Variants in CAD observed in about 807,000 individuals in gnomAD.
CAD encodes the protein carbamoyl-phosphate synthetase 2, aspartate transcarbamylase, and dihydroorotase, also known as multifunctional protein CAD.
In CAD, 81 loss-of-function variants were observed where a neutral mutation model predicts 237.2. That is an observed-to-expected ratio of 0.34 (90% CI 0.29 to 0.41). The LOEUF is 0.41. CAD is among the 10% of genes least tolerant of loss of function. The pLI is 1.00. For synonymous variants in CAD, 1,196 were observed against 1,162.8 expected (o/e 1.03, Z -0.58); for missense variants, 2,181 against 2,951.7 (o/e 0.74, Z 6.05).
intron 11 of CAD, 55 bp downstream of exon 11, chr2:27,225,298 A>ATT (rs1675381150): frequency 8.1e-5 from 46 of 566,148 alleles, no homozygotes; most frequent in Middle Eastern, 5.1e-4. Flanking sequence ...TGGTAGTGTT[A>ATT]TTTTCTTTTT....
chr2:27,238,324 G>T, intron 30 of CAD, 107 bp from the exon 31 acceptor site: 1 of 1,459,024 alleles, frequency 6.9e-7, no homozygotes. Flanking sequence ...CAGCACCCTT[G>T]CAGGTCTACA....
rs147694325 is a variant in CAD at position 27,222,302 on chromosome 2, A to G, written c.461A>G (p.Asn154Ser). 3.1e-4 allele frequency: 494 copies of G among 1,613,376 alleles called. No individual in the cohort carries two copies. The highest frequency in any genetic ancestry group is 9.9e-4 in the Middle Eastern group (6 of 6,058). The change falls in exon 4 of 44, where the codon AAT becomes AGT. Residue 154 changes from asparagine (N) to serine (S), a missense_variant. Around this residue, in one of 12 missense-constraint regions of CAD, gnomAD observed 314 missense variants for 339.4 expected, o/e 0.93. Transcript: ENST00000264705. Reference sequence around the variant, plus strand: ...TCATCCCTGCCATTCTTGGACCCCAATGCCCGCCCCCTGGTACCAGAGGTC... The same window carrying G: ...TCATCCCTGCCATTCTTGGACCCCAGTGCCCGCCCCCTGGTACCAGAGGTC... ...EPSSLPFLDP[N>S]ARPLVPEVSI...
rs779670233 is a variant in CAD at position 27,237,419 on chromosome 2, G to A, written c.4437G>A (p.Gly1479=). Residue 1479 remains glycine (G), a synonymous_variant, in exon 28 of 44, where the codon GGG becomes GGA. Transcript: ENST00000264705. The surrounding 1 kb of genome is among the most constrained non-coding windows in gnomAD (Gnocchi z 4.0). ...DVHVHLREPG[G]THKEDFASGT... Reference sequence around the variant, plus strand: ...ATGTGCACCTGCGGGAACCAGGTGGGACACATAAGGAGGACTTTGCTTCAG... The same window carrying A: ...ATGTGCACCTGCGGGAACCAGGTGGAACACATAAGGAGGACTTTGCTTCAG... The A allele has an allele frequency of 3.1e-6, 5 of 1,614,058 alleles. No individual in the cohort carries two copies. Among genetic ancestry groups the A allele is most frequent in the South Asian group, 1.1e-5 (1 of 91,092 alleles).
At position 27,240,871 on chromosome 2, in the gene CAD, C is replaced by G; in HGVS notation, c.5594-40C>G. ...GAATATGGGGTTTCTTTCCAAACCT[C>G]AGCCATAAATGTATATCTGTCCTCT... On this transcript the variant is annotated intron_variant, in intron 35 of 43. Coordinates refer to ENST00000264705, the MANE Select transcript of CAD (RefSeq NM_004341.5). The surrounding 1 kb of genome is among the most constrained non-coding windows in gnomAD (Gnocchi z 4.6). 1.2e-6 allele frequency: 2 copies of G among 1,608,790 alleles called. No homozygotes were observed. Among genetic ancestry groups the G allele is most frequent in the South Asian group, 2.2e-5 (2 of 90,930 alleles).
chr2:27,220,506 C>A (rs376867669), intron 2 of CAD, among the ~76,000 whole-genome samples: 1 of 151,116 alleles, frequency 6.6e-6, no homozygotes, highest in African/African-American at 2.5e-5. Context: ...AAAAATTAGC[C>A]AGGTGTGATG....
chr2:27,226,403 T>G, intron 13 of CAD, 84 bp downstream of exon 13: 4 of 1,543,376 alleles, frequency 2.6e-6, no homozygotes, highest in Non-Finnish European at 2.7e-6. Flanking sequence ...TGAGGTCTTT[T>G]GGGCTTACAG....
chr2:27,237,324 C>T lies in CAD; in HGVS notation c.4397-55C>T. 1.3e-6 allele frequency: 2 copies of T among 1,581,554 alleles called. No individual in the cohort carries two copies. Among genetic ancestry groups the T allele is most frequent in the Non-Finnish European group, 1.7e-6 (2 of 1,154,098 alleles). Reference sequence around the variant, plus strand: ...CAGGCGTGAGCCACCATGTCCAGCTCACCCTTCCTATTTCTGAATCTTCCT... The same window carrying T: ...CAGGCGTGAGCCACCATGTCCAGCTTACCCTTCCTATTTCTGAATCTTCCT... On this transcript the variant is annotated intron_variant, in intron 27 of 43. Transcript: ENST00000264705. This position sits in a 1 kb window ranked among gnomAD's most constrained non-coding sequence, Gnocchi z 4.0.
chr2:27,223,430 C>CA (rs71834349), intron 6 of CAD, 133 bp from the exon 7 acceptor site: 76,834 of 608,332 alleles, frequency 0.13, no homozygotes, highest in East Asian at 0.22. Context: ...GACTCCGTCT[C>CA]AAAAAAAAAA....
Position 27,236,425 on chromosome 2 carries a change from T to C in CAD, c.4216T>C (p.Ser1406Pro). The change falls in exon 26 of 44, where the codon TCT becomes CCT. Residue 1406 changes from serine (S) to proline (P), a missense_variant. Physicochemically the swap from Ser to Pro is moderately conservative, Grantham distance 74. Transcript: ENST00000264705. The surrounding 1 kb of genome is among the most constrained non-coding windows in gnomAD (Gnocchi z 4.1). ...SMRGAGGRRL[S>P]SFVTKGYRTR... ...GCGTGGAGCTGGGGGCCGGCGTCTCTCTTCCTTTGTCACCAAGGGCTACCG... is the reference window on the plus strand; with the variant it reads ...GCGTGGAGCTGGGGGCCGGCGTCTCCCTTCCTTTGTCACCAAGGGCTACCG... 6.2e-7 allele frequency: 1 copy of C among 1,614,184 alleles called. No individual in the cohort carries two copies. The highest frequency in any genetic ancestry group is 8.5e-7 in the Non-Finnish European group (1 of 1,180,040).
Position 27,240,682 on chromosome 2 carries a change from C to G in CAD, c.5594-229C>G, listed in dbSNP as rs1405568202. 6.7e-7 allele frequency: 1 copy of G among 1,488,832 alleles called. No homozygotes were observed. Among genetic ancestry groups the G allele is most frequent in the East Asian group, 2.5e-5 (1 of 40,390 alleles). 92.2% of individuals were successfully genotyped at this position (1,488,832 alleles called of 1,614,324 possible). A position where few individuals can be genotyped will look rare whatever the true frequency, so the allele number is the denominator to read the frequency against. ...CTCTTGCCTAGGATGCCTTTGCCAA[C>G]TGGGAGAGCCCCGGGAGGGCACCAC... On this transcript the variant is annotated intron_variant, in intron 35 of 43. Coordinates refer to ENST00000264705, the MANE Select transcript of CAD (RefSeq NM_004341.5). The surrounding 1 kb of genome is among the most constrained non-coding windows in gnomAD (Gnocchi z 4.6).
Position 27,239,821 on chromosome 2 carries a change from G to A in CAD, c.5496+23G>A, listed in dbSNP as rs1168550725. On this transcript the variant is annotated intron_variant, in intron 34 of 43. Transcript: ENST00000264705. The surrounding 1 kb of genome is among the most constrained non-coding windows in gnomAD (Gnocchi z 4.0). ...ACGGTATCCACACTACTGGGCTAGG[G>A]GGCTGGGAGGTGTTAGTCTCAGGGC... 12 of 1,477,998 alleles carry A rather than the reference G, an allele frequency of 8.1e-6. No homozygotes were observed. Among genetic ancestry groups the A allele is most frequent in the Non-Finnish European group, 1.1e-5 (12 of 1,098,554 alleles). 91.6% of individuals were successfully genotyped at this position (1,477,998 alleles called of 1,614,324 possible).
In CAD at chr2:27,217,997, A is replaced by T. The variant is rs1572417077; in HGVS notation, c.203A>T (p.Asp68Val). The T allele has an allele frequency of 6.2e-7, 1 of 1,610,174 alleles. No individual in the cohort carries two copies. Among genetic ancestry groups the T allele is most frequent in the Non-Finnish European group, 8.5e-7 (1 of 1,177,952 alleles). Residue 68 changes from aspartate to valine, a missense_variant, in exon 2 of 44, where the codon GAT becomes GTT. Physicochemically the swap from Asp to Val is radical, Grantham distance 152. Coordinates refer to ENST00000264705, the MANE Select transcript of CAD (RefSeq NM_004341.5). ...TATGGCATCCCCCCAGATGAAATGG[A>T]TGAGTTCGGTCTCTGCAAGGTAGCC... ...GNYGIPPDEM[D>V]EFGLCKWFES...
intron 16 of CAD, among the ~76,000 whole-genome samples, 177 bp downstream of exon 16, chr2:27,231,757 A>G (rs568323852): frequency 1.1e-3 from 164 of 152,316 alleles, no homozygotes; most frequent in African/African-American, 3.8e-3. Context: ...GTATTACTAG[A>G]CTTGTTTTTA....
rs1324280771 is a variant in CAD, at chr2:27,233,835, C to CT, written c.3399+28dup. ...TGGGAGGCTGCAGACAGTGAAGTCTCTGAGGGCATGCTGCCAGCCCTGGAG... is the reference window on the plus strand; with the variant it reads ...TGGGAGGCTGCAGACAGTGAAGTCTCTTGAGGGCATGCTGCCAGCCCTGGAG... On this transcript the variant is annotated intron_variant, in intron 21 of 43. Coordinates refer to ENST00000264705, the MANE Select transcript of CAD (RefSeq NM_004341.5). The surrounding 1 kb of genome is among the most constrained non-coding windows in gnomAD (Gnocchi z 6.3). 1.9e-6 allele frequency: 3 copies of CT among 1,610,524 alleles called. No homozygotes were observed. The highest frequency in any genetic ancestry group is 1.7e-5 in the Admixed American group (1 of 59,988).
At position 27,237,940 on chromosome 2, in the gene CAD, C is replaced by G; in HGVS notation, c.4728+58C>G. 1 of 1,575,476 alleles carries G rather than the reference C, an allele frequency of 6.3e-7. No homozygotes were observed. Among genetic ancestry groups the G allele is most frequent in the Non-Finnish European group, 8.6e-7 (1 of 1,158,062 alleles). ...CCCAGTGTCTCCTGGCTTGTGGGCCCCTGCCTAAGTGGGCTGGTAGCAGTG... is the reference window on the plus strand; with the variant it reads ...CCCAGTGTCTCCTGGCTTGTGGGCCGCTGCCTAAGTGGGCTGGTAGCAGTG... On this transcript the variant is annotated intron_variant, in intron 29 of 43. Coordinates refer to ENST00000264705, the MANE Select transcript of CAD (RefSeq NM_004341.5). This position sits in a 1 kb window ranked among gnomAD's most constrained non-coding sequence, Gnocchi z 4.0.
At chr2:27,218,547 A>G (rs995935739) in intron 2 of CAD, among the ~76,000 whole-genome samples, 4 of 152,162 alleles carry the variant, frequency 2.6e-5, no homozygotes, top group Non-Finnish European at 4.4e-5. Flanking sequence ...CTAGGGTCAC[A>G]TACTTCTCTG....
At position 27,240,582 on chromosome 2, in the gene CAD, C is replaced by A. The variant is rs1052160439; in HGVS notation, c.5593+221C>A. On this transcript the variant is annotated intron_variant, in intron 35 of 43. Coordinates refer to ENST00000264705, the MANE Select transcript of CAD (RefSeq NM_004341.5). This position sits in a 1 kb window ranked among gnomAD's most constrained non-coding sequence, Gnocchi z 4.6. Reference sequence around the variant, plus strand: ...TTGTGGGCAGCTGTGTTCCTCCGCCCAGGAGCTGGGATCCCACGGGGCAGC... The same window carrying A: ...TTGTGGGCAGCTGTGTTCCTCCGCCAAGGAGCTGGGATCCCACGGGGCAGC... The A allele has an allele frequency of 1.9e-6, 3 of 1,545,948 alleles. No individual in the cohort carries two copies. Among genetic ancestry groups the A allele is most frequent in the African/African-American group, 2.7e-5 (2 of 72,972 alleles).
chr2:27,217,421 G>A lies in CAD; in HGVS notation c.-131G>A. The A allele has an allele frequency of 3.8e-6, 3 of 799,088 alleles. No homozygotes were observed. Among genetic ancestry groups the A allele is most frequent in the Non-Finnish European group, 4.2e-6 (2 of 475,168 alleles). 49.5% of individuals were successfully genotyped at this position (799,088 alleles called of 1,614,324 possible). On this transcript the variant is annotated 5_prime_UTR_variant, in exon 1 of 44. Coordinates refer to ENST00000264705, the MANE Select transcript of CAD (RefSeq NM_004341.5). ...CCGAGGCTCCTACGCTGCCGCGCCC[G>A]GCTTCTCTCCAGCGCCCCGCGCCGT...
Position 27,241,039 on chromosome 2 carries a change from G to A in CAD, c.5639-19G>A, listed in dbSNP as rs372050984. On this transcript the variant is annotated intron_variant, in intron 36 of 43. Transcript: ENST00000264705. This position sits in a 1 kb window ranked among gnomAD's most constrained non-coding sequence, Gnocchi z 4.6. ...AGGAACCCTCTGACCAGCCTTTTCT[G>A]CCCCATCCCTCACTGCAGAGCTGAT... 1.4e-5 allele frequency: 22 copies of A among 1,612,932 alleles called. No homozygotes were observed. Among genetic ancestry groups the A allele is most frequent in the Middle Eastern group, 1.6e-4 (1 of 6,070 alleles).
Sources: allele counts gnomAD v4.1 joint callset (sites outside exome capture counted in the v4.1 genomes callset), GRCh38; gene constraint gnomAD v4.1.1; regional missense constraint gnomAD v4.1.1; non-coding constraint Gnocchi (gnomAD v3.1); transcripts MANE v1.5; gene names NCBI Gene and HGNC (gene_info 2026-07-23, HGNC 2026-07-21).